The following MLLT6 variants were observed in gnomAD, a reference collection of about 807,000 sequenced individuals.
The protein encoded by MLLT6 is protein AF-17.
Under a neutral mutation model 103.0 loss-of-function variants are expected in MLLT6, and 22 were observed. The observed-to-expected ratio is 0.21, with a 90% CI of 0.15 to 0.31. The LOEUF (loss-of-function observed/expected upper bound fraction) is 0.31, where lower values mean the gene tolerates loss of function less well. Among genes scored for constraint, MLLT6 ranks in the 10% least tolerant of loss-of-function variants. MLLT6 has a pLI of 1.00. For missense variants in MLLT6, 1,199 were observed against 1,441.7 expected (o/e 0.83, Z 2.73); for synonymous variants, 606 against 623.5 (o/e 0.97, Z 0.42).
At chr17:38,707,697 G>C in intron 3 of MLLT6, 66 bp from the exon 4 acceptor site, 1 of 1,195,290 alleles carries the variant, frequency 8.4e-7, no homozygotes. Context: ...TCTGCAGCGT[G>C]GGGTCATAAG....
rs1906027475 is a variant in MLLT6 at position 38,726,354 on chromosome 17, AGTGTGTGTGTGCGTGCATGT to A, written c.*768_*787del. ...ATGGAGCTGCCCGTCTCAGTGTGTG[AGTGTGTGTGTGCGTGCATGT>A]GTGTGTGTGTGTGTGTGTGTGTGTG... On this transcript the variant is annotated 3_prime_UTR_variant, in exon 20 of 20. Coordinates refer to ENST00000621332, the MANE Select transcript of MLLT6 (RefSeq NM_005937.4). The A allele has an allele frequency of 4.5e-6, 1 of 222,704 alleles. No homozygotes were observed. The highest frequency in any genetic ancestry group is 2.4e-5 in the African/African-American group (1 of 41,858). The allele number at this position is 222,704 out of a possible 1,614,324, so 13.8% of individuals were successfully genotyped here.
intron 4 of MLLT6, chr17:38,708,933 A>C (rs1905042978): frequency 2.0e-6 from 1 of 498,050 alleles, no homozygotes; most frequent in Admixed American, 3.9e-5. Flanking sequence ...AATTAAATAC[A>C]GTTTAGAATC....
chr17:38,723,811 C>T (rs534432665), intron 18 of MLLT6, among the ~76,000 whole-genome samples: 59 of 148,818 alleles, frequency 4.0e-4, no homozygotes, highest in African/African-American at 1.3e-3. Context: ...GGCATGATAT[C>T]GGCTCACTGC....
rs1030510396 is a variant in MLLT6 at position 38,717,355 on chromosome 17, G to A, written c.1652-77G>A. ...CCGGGGAGCACTCGAGCTGGGGAGG[G>A]GCTGTCAGCCACCTGGCTGAGCAGG... On this transcript the variant is annotated intron_variant, in intron 10 of 19. Transcript: ENST00000621332. 2.5e-6 allele frequency: 3 copies of A among 1,215,736 alleles called. No homozygotes were observed. The African/African-American group carries it at 4.6e-5, about 19-fold the overall frequency. 75.3% of individuals were successfully genotyped at this position (1,215,736 alleles called of 1,614,324 possible).
intron 9 of MLLT6, 42 bp downstream of exon 9, chr17:38,715,870 C>G (rs1905318788): frequency 6.6e-7 from 1 of 1,520,738 alleles, no homozygotes; most frequent in Non-Finnish European, 8.9e-7. Context: ...GCAGGGAAAG[C>G]CTTTTGTCCT....
Position 38,705,391 on chromosome 17 carries a change from G to C in MLLT6, c.-242G>C, listed in dbSNP as rs1904854716. Among the ~76,000 whole-genome samples, 1 of 150,764 alleles carries C rather than the reference G, an allele frequency of 6.6e-6. No individual in the cohort carries two copies. Among genetic ancestry groups the C allele is most frequent in the Admixed American group, 6.6e-5 (1 of 15,202 alleles). On this transcript the variant is annotated 5_prime_UTR_variant, in exon 1 of 20. Coordinates refer to ENST00000621332, the MANE Select transcript of MLLT6 (RefSeq NM_005937.4). ...TGCGAGTCTCATTGTTGTGGGGGGG[G>C]CCCGTCGGGGCATGAGGGCGAGAGC...
chr17:38,709,137 C>A lies in MLLT6; in HGVS notation c.355-36C>A, dbSNP rs762671758. On this transcript the variant is annotated intron_variant, in intron 4 of 19. Coordinates refer to ENST00000621332, the MANE Select transcript of MLLT6 (RefSeq NM_005937.4). The surrounding 1 kb of genome is among the most constrained non-coding windows in gnomAD (Gnocchi z 4.3). ...AAGGACCATCAGTAGAACAGGGGCT[C>A]CCTGGAGGAGGGGACGATTGCGCTG... is the stretch of plus-strand genomic sequence containing the variant. The A allele has an allele frequency of 1.3e-6, 2 of 1,545,834 alleles. No individual in the cohort carries two copies. Among genetic ancestry groups the A allele is most frequent in the African/African-American group, 2.7e-5 (2 of 73,182 alleles).
rs1476841810 is a variant in MLLT6 at position 38,726,389 on chromosome 17, GT to G, written c.*792del. The stretch of plus-strand genomic sequence containing the variant: ...TGCGTGCATGTGTGTGTGTGTGTGT[GT>G]GTGTGTGTGTGTCTGTCTGCCTGTC... On this transcript the variant is annotated 3_prime_UTR_variant, in exon 20 of 20. Coordinates refer to ENST00000621332, the MANE Select transcript of MLLT6 (RefSeq NM_005937.4). 5 of 234,852 alleles carry G rather than the reference GT, an allele frequency of 2.1e-5. No individual in the cohort carries two copies. Among genetic ancestry groups the G allele is most frequent in the African/African-American group, 1.1e-4 (5 of 45,280 alleles). The allele number at this position is 234,852 out of a possible 1,614,324, so 14.5% of individuals were successfully genotyped here.
Position 38,717,586 on chromosome 17 carries a change from C to T in MLLT6, c.1806C>T (p.Ser602=), listed in dbSNP as rs770344789. Reference sequence around the variant, plus strand: ...CCCCGTTCACCAGCACCCTCCCCTCCTCTTCTGCTTCTATCTCCACCACTC... The same window carrying T: ...CCCCGTTCACCAGCACCCTCCCCTCTTCTTCTGCTTCTATCTCCACCACTC... ...SRSPFTSTLP[S]SSASISTTQV... is the part of the protein sequence containing the mutation. Residue 602 remains serine (S), a synonymous_variant, in exon 11 of 20, where the codon TCC becomes TCT. Coordinates refer to ENST00000621332, the MANE Select transcript of MLLT6 (RefSeq NM_005937.4). 2 of 1,613,976 alleles carry T rather than the reference C, an allele frequency of 1.2e-6. No homozygotes were observed. The highest frequency in any genetic ancestry group is 2.2e-5 in the South Asian group (2 of 91,080).
rs553241411 is a variant in MLLT6, at chr17:38,717,562, C to G, written c.1782C>G (p.Ser594=). 3.7e-6 allele frequency: 6 copies of G among 1,613,972 alleles called. No individual in the cohort carries two copies. The Admixed American group carries it at 5.0e-5, about 13-fold the overall frequency. The change falls in exon 11 of 20, where the codon TCC becomes TCG. Residue 594 remains serine, a synonymous_variant. Coordinates refer to ENST00000621332, the MANE Select transcript of MLLT6 (RefSeq NM_005937.4). ...GTSALPRLSR[S]PFTSTLPSSS... ...CGGCCCTGCCCCGCCTCAGCCGCTC[C>G]CCGTTCACCAGCACCCTCCCCTCCT...
chr17:38,725,481 C>T, intron 19 of MLLT6, 76 bp from the exon 20 acceptor site: 1 of 1,380,888 alleles, frequency 7.2e-7, no homozygotes, highest in Non-Finnish European at 1.0e-6. Flanking sequence ...GCTTTCTTGG[C>T]CTAGGAAGCT....
In MLLT6 at chr17:38,726,482, AG is replaced by A. The variant is rs1324298103; in HGVS notation, c.*885del. On this transcript the variant is annotated 3_prime_UTR_variant, in exon 20 of 20. Coordinates refer to ENST00000621332, the MANE Select transcript of MLLT6 (RefSeq NM_005937.4). ...CGCAGTGGTCAGATGAAGCAGCGCC[AG>A]AGAGGGGACCTCCCAGCTCTTATTT... The A allele has an allele frequency of 4.3e-6, 1 of 233,722 alleles. No homozygotes were observed. The highest frequency in any genetic ancestry group is 2.2e-5 in the African/African-American group (1 of 45,346). The allele number at this position is 233,722 out of a possible 1,614,324, so 14.5% of individuals were successfully genotyped here.
At chr17:38,719,946 C>A in intron 14 of MLLT6, 51 bp downstream of exon 14, 1 of 1,505,318 alleles carries the variant, frequency 6.6e-7, no homozygotes, top group South Asian at 1.3e-5. Flanking sequence ...CCCTAACAGT[C>A]ACCTTTCTCC....
intron 14 of MLLT6, 74 bp from the exon 15 acceptor site, chr17:38,720,298 A>AGGCCCCCCCCCCCG: frequency 9.8e-7 from 1 of 1,023,650 alleles, no homozygotes; most frequent in Non-Finnish European, 1.4e-6. Flanking sequence ...GCTCCCCTCC[A>AGGCCCCCCCCCCCG]GGCCCCGCCC....
rs368033401 is a variant in MLLT6, at chr17:38,719,452, G to A, written c.1943-65G>A. Reference sequence around the variant, plus strand: ...TGAGGTCCCAATCCCATATCCATCTGGGGGCGGGGACCCTGAGGCAGCTAC... The same window carrying A: ...TGAGGTCCCAATCCCATATCCATCTAGGGGCGGGGACCCTGAGGCAGCTAC... On this transcript the variant is annotated intron_variant, in intron 12 of 19. Coordinates refer to ENST00000621332, the MANE Select transcript of MLLT6 (RefSeq NM_005937.4). 65 of 1,370,606 alleles carry A rather than the reference G, an allele frequency of 4.7e-5. 1 individual carries two copies. Among genetic ancestry groups the A allele is most frequent in the East Asian group, 3.2e-4 (13 of 40,920 alleles). The allele number at this position is 1,370,606 out of a possible 1,614,324, so 84.9% of individuals were successfully genotyped here. A position where few individuals can be genotyped will look rare whatever the true frequency, so the allele number is the denominator to read the frequency against.
intron 8 of MLLT6, chr17:38,714,585 C>G (rs1411610321): frequency 6.6e-6 from 1 of 152,102 alleles, no homozygotes; most frequent in East Asian, 1.9e-4. Context: ...TAAAAATACA[C>G]AAAATTAGCC....
In MLLT6 at chr17:38,720,408, A is replaced by G. The variant is rs748715236; in HGVS notation, c.2192A>G (p.Lys731Arg). Reference sequence around the variant, plus strand: ...CTGAAGGCGCTGCACGCGCTGCAGAAGGAGAACCAGCGGCTGCAAGAGCAG... The same window carrying G: ...CTGAAGGCGCTGCACGCGCTGCAGAGGGAGAACCAGCGGCTGCAAGAGCAG... Reference protein sequence around the residue: ...EMLKALHALQKENQRLQEQIL... With the variant: ...EMLKALHALQRENQRLQEQIL... Residue 731 changes from lysine (K) to arginine (R), a missense_variant, in exon 15 of 20, where the codon AAG (lysine) becomes AGG (arginine). This residue lies in a region of MLLT6 where 1,034 missense variants were observed against 1,091.5 expected (regional missense o/e 0.95). Coordinates refer to ENST00000621332, the MANE Select transcript of MLLT6 (RefSeq NM_005937.4). The G allele has an allele frequency of 2.5e-6, 4 of 1,612,372 alleles. No individual in the cohort carries two copies. The highest frequency in any genetic ancestry group is 2.7e-5 in the African/African-American group (2 of 74,898).
At chr17:38,720,308 CCCGGTCCCCTGG>C in intron 14 of MLLT6, 52 bp from the exon 15 acceptor site, 1 of 664,182 alleles carries the variant, frequency 1.5e-6, no homozygotes, top group Non-Finnish European at 2.6e-6. Flanking sequence ...AGGCCCCGCC[CCCGGTCCCCTGG>C]CCCCGCCTCC....
intron 10 of MLLT6, 107 bp downstream of exon 10, chr17:38,717,088 AG>A: frequency 6.7e-7 from 1 of 1,496,104 alleles, no homozygotes; most frequent in Non-Finnish European, 8.9e-7. Flanking sequence ...CCACTCCAAA[AG>A]ATAGAGCACG....
Sources: gnomAD v4.1 joint callset for allele counts (sites outside exome capture counted in the v4.1 genomes callset) on GRCh38, gnomAD v4.1.1 for gene constraint, gnomAD v4.1.1 regional missense constraint, Gnocchi (gnomAD v3.1) non-coding constraint, MANE v1.5 for transcripts, NCBI Gene and HGNC (gene_info 2026-07-23, HGNC 2026-07-21) for gene names.